HRH1: variants seen among roughly 807,000 people sequenced by gnomAD.
HRH1 encodes the protein histamine receptor H1.
A neutral mutation model predicts 10.3 loss-of-function variants in HRH1; 6 were observed. That is an observed-to-expected ratio of 0.58 (90% CI 0.32 to 1.15). The LOEUF (loss-of-function observed/expected upper bound fraction) is 1.15, where lower values mean the gene tolerates loss of function less well. Among genes scored for constraint, HRH1 ranks in the 50% most tolerant of loss-of-function variants. The probability of loss-of-function intolerance (pLI) is 0.05; values close to 1 mark genes in which losing one functional copy is unlikely to be tolerated. For missense variants in HRH1, 514 were observed against 615.3 expected, an observed-to-expected ratio of 0.84 and a Z score of 1.74; for synonymous variants, 242 against 236.7, an observed-to-expected ratio of 1.02 and a Z score of -0.21.
At chr3:11,179,476 T>C (rs1334313177) in intron 1 of HRH1, among the ~76,000 whole-genome samples, 1 of 151,052 alleles carries the variant, frequency 6.6e-6, no homozygotes, top group Non-Finnish European at 1.5e-5. Flanking sequence ...AAAAATTAGC[T>C]GGGCGTGGTG....
chr3:11,180,544 C>T (rs76714298), intron 1 of HRH1, among the ~76,000 whole-genome samples: 13,178 of 152,120 alleles, frequency 0.087, 755 homozygotes, highest in East Asian at 0.23. Context: ...CTGTGTGGCC[C>T]GGTTCCTACA....
intron 1 of HRH1, among the ~76,000 whole-genome samples, chr3:11,210,082 T>G (rs1938273840): frequency 1.3e-5 from 2 of 152,184 alleles, no homozygotes; most frequent in Non-Finnish European, 2.9e-5. Context: ...TGTCATTGGT[T>G]TTTATATCTC....
intron 1 of HRH1, among the ~76,000 whole-genome samples, chr3:11,190,918 C>G (rs1049503350): frequency 1.3e-5 from 2 of 152,172 alleles, no homozygotes; most frequent in African/African-American, 2.4e-5. Flanking sequence ...GCTTGCCACA[C>G]ATGCTGCCTC....
intron 1 of HRH1, among the ~76,000 whole-genome samples, chr3:11,230,413 C>T (rs1449736440): frequency 1.3e-5 from 2 of 152,222 alleles, no homozygotes; most frequent in Admixed American, 6.5e-5. Context: ...TCATCGGCAC[C>T]AGTCCAGACC....
chr3:11,146,068 G>C (rs577139388), intron 1 of HRH1, among the ~76,000 whole-genome samples: 5 of 152,282 alleles, frequency 3.3e-5, no homozygotes, highest in African/African-American at 1.2e-4. Flanking sequence ...TCTTGGAGAC[G>C]TGACTCAGAG....
At chr3:11,139,372 C>T (rs1377079989) in intron 1 of HRH1, among the ~76,000 whole-genome samples, 2 of 151,898 alleles carry the variant, frequency 1.3e-5, no homozygotes, top group African/African-American at 2.4e-5. Context: ...CTCCGCCTCC[C>T]GGGTTCAAGC....
intron 1 of HRH1, among the ~76,000 whole-genome samples, chr3:11,198,913 C>A (rs1018083724): frequency 6.6e-6 from 1 of 151,436 alleles, no homozygotes; most frequent in Non-Finnish European, 1.5e-5. Context: ...TACACACACA[C>A]ACACACACAC....
intron 1 of HRH1, among the ~76,000 whole-genome samples, chr3:11,224,654 T>TG: frequency 6.7e-6 from 1 of 149,690 alleles, no homozygotes; most frequent in Non-Finnish European, 1.5e-5. Flanking sequence ...GAGCCGAGTA[T>TG]GCGCCACTGC....
intron 1 of HRH1, among the ~76,000 whole-genome samples, chr3:11,218,561 A>G (rs1052687488): frequency 3.3e-5 from 5 of 152,130 alleles, no homozygotes; most frequent in Non-Finnish European, 5.9e-5. Context: ...AGCACACAGC[A>G]AAGTTCTCTT....
At chr3:11,193,806 G>T (rs931493916) in intron 1 of HRH1, among the ~76,000 whole-genome samples, 3 of 152,206 alleles carry the variant, frequency 2.0e-5, no homozygotes, top group African/African-American at 7.2e-5. Flanking sequence ...GGCCTCTCGT[G>T]TAAGAGCACT....
At chr3:11,179,832 A>C (rs1346803581) in intron 1 of HRH1, among the ~76,000 whole-genome samples, 1 of 149,468 alleles carries the variant, frequency 6.7e-6, no homozygotes, top group East Asian at 2.0e-4. Context: ...GTGCAGTGGC[A>C]GGATCATGGT....
upstream of HRH1, among the ~76,000 whole-genome samples, chr3:11,151,051 G>A (rs1401777232): frequency 2.6e-5 from 4 of 152,182 alleles, no homozygotes; most frequent in African/African-American, 9.7e-5. Flanking sequence ...AGTTCCAGTG[G>A]CCTACAGCGG....
chr3:11,220,898 G>C (rs146644109), intron 1 of HRH1, among the ~76,000 whole-genome samples: 1 of 152,164 alleles, frequency 6.6e-6, no homozygotes, highest in Non-Finnish European at 1.5e-5. Flanking sequence ...CACAGAGACA[G>C]TCAGTTTTAT....
intron 1 of HRH1, among the ~76,000 whole-genome samples, chr3:11,254,996 G>A (rs1025755229): frequency 6.6e-6 from 1 of 152,198 alleles, no homozygotes; most frequent in African/African-American, 2.4e-5. Context: ...AGGTGGGAAG[G>A]AAGAGGAACT....
At chr3:11,142,696 C>T (rs1021644023) in intron 1 of HRH1, among the ~76,000 whole-genome samples, 5 of 152,058 alleles carry the variant, frequency 3.3e-5, no homozygotes, top group Non-Finnish European at 7.4e-5. Context: ...AGGCAGATCA[C>T]GAGGTCAGGA....
At chr3:11,156,031 GAGGTGGC>G (rs1936781840) in intron 1 of HRH1, among the ~76,000 whole-genome samples, 1 of 152,170 alleles carries the variant, frequency 6.6e-6, no homozygotes, top group Non-Finnish European at 1.5e-5. Context: ...GAATGAAACT[GAGGTGGC>G]AGATGGGACC....
chr3:11,252,764 T>A (rs990486103), intron 1 of HRH1: 17 of 152,212 alleles, frequency 1.1e-4, no homozygotes, highest in African/African-American at 4.1e-4. Flanking sequence ...GACCTTCAAT[T>A]ACAGGTTTTA....
intron 1 of HRH1, among the ~76,000 whole-genome samples, chr3:11,206,593 C>G (rs1177795738): frequency 6.6e-6 from 1 of 152,244 alleles, no homozygotes; most frequent in Non-Finnish European, 1.5e-5. Flanking sequence ...GTGCCAGGTG[C>G]TTTACCTATA....
At chr3:11,220,810 T>G (rs1559276587) in intron 1 of HRH1, among the ~76,000 whole-genome samples, 1 of 152,198 alleles carries the variant, frequency 6.6e-6, no homozygotes, top group Non-Finnish European at 1.5e-5. Flanking sequence ...ATAAGTAAAA[T>G]AATAATGTAC....
Sources: allele counts gnomAD v4.1 joint callset (sites outside exome capture counted in the v4.1 genomes callset), GRCh38; gene constraint gnomAD v4.1.1; transcripts MANE v1.5; gene names NCBI Gene and HGNC (gene_info 2026-07-23, HGNC 2026-07-21).